Variants in TENM2 observed in about 807,000 individuals in gnomAD.
TENM2 encodes teneurin transmembrane protein 2, also known as teneurin-2.
Under a neutral mutation model 245.2 loss-of-function variants are expected in TENM2, and 52 were observed. That is an observed-to-expected ratio of 0.21 (90% CI 0.17 to 0.27). The LOEUF (loss-of-function observed/expected upper bound fraction) is 0.27, where lower values mean the gene tolerates loss of function less well. TENM2 is among the 10% of genes least tolerant of loss of function. TENM2 has a pLI of 1.00. For missense variants in TENM2, 3,046 were observed against 3,666.8 expected (o/e 0.83, Z 4.37); for synonymous variants, 1,363 against 1,438.9 (o/e 0.95, Z 1.19).
chr5:168,171,839 G>A (rs918348858), intron 13 of TENM2, among the ~76,000 whole-genome samples: 21 of 152,158 alleles, frequency 1.4e-4, no homozygotes, highest in African/African-American at 4.3e-4. Flanking sequence ...GATTTCACTG[G>A]TGGCAAGGAG....
intron 3 of TENM2, among the ~76,000 whole-genome samples, chr5:167,889,535 C>A (rs555276456): frequency 2.0e-5 from 3 of 152,214 alleles, no homozygotes; most frequent in African/African-American, 7.2e-5. Flanking sequence ...GGAGCCTGAC[C>A]ATTACCCACC....
the TENM2 span, among the ~76,000 whole-genome samples, chr5:167,279,562 C>CTTCCTTCCTTCCTTCG: frequency 2.3e-4 from 27 of 119,684 alleles, no homozygotes; most frequent in South Asian, 1.1e-3. Flanking sequence ...TCCTTCCTTC[C>CTTCCTTCCTTCCTTCG]TTCCTTCTTT....
intron 2 of TENM2, among the ~76,000 whole-genome samples, chr5:167,742,984 AACAACAAC>A (rs1357317135): frequency 1.6e-5 from 1 of 64,322 alleles, no homozygotes; most frequent in Non-Finnish European, 2.6e-5. Context: ...TAAAAACAAC[AACAACAAC>A]AACAACAACA....
chr5:167,252,061 T>C, the TENM2 span, among the ~76,000 whole-genome samples: 1 of 152,092 alleles, frequency 6.6e-6, no homozygotes, highest in Non-Finnish European at 1.5e-5. Context: ...GCAGGTCTTT[T>C]GGGGGGCCTA....
intron 2 of TENM2, among the ~76,000 whole-genome samples, chr5:167,510,301 G>A (rs1769851092): frequency 6.6e-6 from 1 of 152,096 alleles, no homozygotes; most frequent in Non-Finnish European, 1.5e-5. Flanking sequence ...AAAGCAATTT[G>A]CCATGCTCCC....
the TENM2 span, among the ~76,000 whole-genome samples, chr5:167,100,657 T>C: frequency 2.0e-5 from 3 of 151,820 alleles, no homozygotes; most frequent in African/African-American, 7.3e-5. Flanking sequence ...TAAAAATACC[T>C]GGTGCCCGGG....
At chr5:167,859,029 G>T (rs1479002303) in intron 2 of TENM2, among the ~76,000 whole-genome samples, 2 of 147,888 alleles carry the variant, frequency 1.4e-5, no homozygotes, top group Non-Finnish European at 3.0e-5. Flanking sequence ...AGTGAGGAGC[G>T]TCTCCGCCCG....
the TENM2 span, among the ~76,000 whole-genome samples, chr5:167,193,982 A>G: frequency 6.6e-6 from 1 of 151,950 alleles, no homozygotes; most frequent in African/African-American, 2.4e-5. Flanking sequence ...ACTTTGCCCG[A>G]GATTACTGGC....
chr5:168,157,591 G>T (rs1757297058), intron 12 of TENM2, among the ~76,000 whole-genome samples: 1 of 152,168 alleles, frequency 6.6e-6, no homozygotes, highest in Non-Finnish European at 1.5e-5. Context: ...AGGAAAATTA[G>T]GCAGAACTTG....
the TENM2 span, among the ~76,000 whole-genome samples, chr5:167,223,205 T>C: frequency 6.6e-6 from 1 of 152,144 alleles, no homozygotes; most frequent in Non-Finnish European, 1.5e-5. Flanking sequence ...CATTTCTAGC[T>C]ACTTTGAAAG....
At chr5:168,238,765 G>T (rs1364081122) in intron 25 of TENM2, among the ~76,000 whole-genome samples, 1 of 152,072 alleles carries the variant, frequency 6.6e-6, no homozygotes, top group East Asian at 1.9e-4. Flanking sequence ...ATTCTGCAGG[G>T]GAAACCACTT....
chr5:167,666,316 G>A (rs1425071017), intron 2 of TENM2, among the ~76,000 whole-genome samples: 3 of 152,170 alleles, frequency 2.0e-5, no homozygotes, highest in Non-Finnish European at 2.9e-5. Context: ...CATAAGTGTT[G>A]ATGTGTTCTG....
At chr5:167,312,693 A>G (rs939561336) in intron 1 of TENM2, among the ~76,000 whole-genome samples, 1 of 151,830 alleles carries the variant, frequency 6.6e-6, no homozygotes, top group African/African-American at 2.4e-5. Context: ...CATAAACCTG[A>G]ACAAAAGAAA....
the TENM2 span, among the ~76,000 whole-genome samples, chr5:167,174,553 T>C: frequency 1.3e-5 from 2 of 152,180 alleles, no homozygotes; most frequent in Non-Finnish European, 2.9e-5. Flanking sequence ...TTTAATTTTC[T>C]TTTTATTGTA....
intron 2 of TENM2, among the ~76,000 whole-genome samples, chr5:167,444,556 C>T (rs1013982874): frequency 1.3e-5 from 2 of 152,124 alleles, no homozygotes; most frequent in Admixed American, 6.6e-5. Context: ...TTATACTTCA[C>T]GTAGAGAAAG....
Position 167,734,494 on chromosome 5 carries a change from A to T in TENM2, c.503-141492A>T, listed in dbSNP as rs1348967840. 6.7e-5 allele frequency among the ~76,000 whole-genome samples: 10 copies of T among 148,452 alleles called. No homozygotes were observed. In the East Asian group the frequency reaches 1.9e-3, roughly 29 times the overall value. On this transcript the variant is annotated intron_variant, in intron 2 of 28. Coordinates refer to ENST00000518659, the Ensembl canonical transcript of TENM2. ...TCATATATAATATATGCAATATATT[A>T]TATATAAATAATATATAATAAATAT...
chr5:167,796,538 A>T (rs1027323303), intron 2 of TENM2, among the ~76,000 whole-genome samples: 6 of 152,020 alleles, frequency 3.9e-5, no homozygotes, highest in Admixed American at 3.3e-4. Context: ...TGATATCCTT[A>T]AGTCAATTCT....
intron 23 of TENM2, among the ~76,000 whole-genome samples, chr5:168,221,270 G>A (rs1763649112): frequency 6.6e-6 from 1 of 152,100 alleles, no homozygotes; most frequent in Non-Finnish European, 1.5e-5. Flanking sequence ...CATAGAACAT[G>A]AGGTACAGAA....
In TENM2 at chr5:168,215,023, T is replaced by C. The variant is rs1193252120; in HGVS notation, c.3846-17T>C. On this transcript the variant is annotated splice_polypyrimidine_tract_variant and intron_variant, in intron 20 of 28. Coordinates refer to ENST00000518659, the Ensembl canonical transcript of TENM2. The stretch of plus-strand genomic sequence containing the variant: ...ATAGCCCCCTCCTCATTTCTCTTTG[T>C]GCTTCTTCTACTAAAGCAACAACCC... 1.9e-6 allele frequency: 3 copies of C among 1,612,040 alleles called. No homozygotes were observed. Among genetic ancestry groups the C allele is most frequent in the Non-Finnish European group, 2.5e-6 (3 of 1,178,334 alleles).
Sources: allele counts gnomAD v4.1 joint callset (sites outside exome capture counted in the v4.1 genomes callset), GRCh38; gene constraint gnomAD v4.1.1; transcripts MANE v1.5; gene names NCBI Gene and HGNC (gene_info 2026-07-23, HGNC 2026-07-21).